The following ICA1L variants were observed in gnomAD, a reference collection of about 807,000 sequenced individuals.
The protein encoded by ICA1L is islet cell autoantigen 1-like protein.
In ICA1L, 50 loss-of-function variants were observed where a neutral mutation model predicts 61.3. The observed-to-expected ratio is 0.82, with a 90% CI of 0.65 to 1.03. The LOEUF (loss-of-function observed/expected upper bound fraction) is 1.03, where lower values mean the gene tolerates loss of function less well. Ranked by LOEUF, ICA1L falls within the 50% of genes least tolerant of loss-of-function variation. The probability of loss-of-function intolerance (pLI) is 0.00; values close to 1 mark genes in which losing one functional copy is unlikely to be tolerated. For missense variants in ICA1L, 508 were observed against 556.7 expected, an observed-to-expected ratio of 0.91 and a Z score of 0.88; for synonymous variants, 161 against 191.3, an observed-to-expected ratio of 0.84 and a Z score of 1.31.
At chr2:202,788,718 G>A (rs1692661497) in intron 11 of ICA1L, 112 bp downstream of exon 11, 3 of 1,064,520 alleles carry the variant, frequency 2.8e-6, no homozygotes, top group South Asian at 1.4e-5. Context: ...TTATCTAGTA[G>A]TGCTGACATT....
chr2:202,819,323 C>G (rs1156864889), intron 5 of ICA1L, among the ~76,000 whole-genome samples: 1 of 152,024 alleles, frequency 6.6e-6, no homozygotes, highest in Non-Finnish European at 1.5e-5. Context: ...TTTTGATAAC[C>G]TTCATATTTC....
intron 1 of ICA1L, among the ~76,000 whole-genome samples, chr2:202,869,248 C>T (rs1271030654): frequency 1.3e-5 from 2 of 151,958 alleles, no homozygotes; most frequent in Non-Finnish European, 2.9e-5. Context: ...GTCCCAGCTA[C>T]TCCGGAGGCT....
intron 11 of ICA1L, 66 bp from the exon 12 acceptor site, chr2:202,786,073 A>T: frequency 1.1e-6 from 1 of 898,760 alleles, no homozygotes; most frequent in Non-Finnish European, 1.8e-6. Flanking sequence ...GAAAAACAAG[A>T]AAAGGTAAAA....
At chr2:202,837,500 T>G (rs1439427123) in intron 1 of ICA1L, among the ~76,000 whole-genome samples, 1 of 151,460 alleles carries the variant, frequency 6.6e-6, no homozygotes, top group African/African-American at 2.4e-5. Flanking sequence ...CTTGATCTCC[T>G]GACCTCGTGA....
intron 11 of ICA1L, chr2:202,786,540 A>G (rs1392541786): frequency 8.3e-6 from 2 of 240,522 alleles, no homozygotes; most frequent in Non-Finnish European, 1.6e-5. Flanking sequence ...TGGGCGACAG[A>G]GCGAGACTCC....
chr2:202,773,929 G>T lies in ICA1L; in HGVS notation c.*5604C>A. On this transcript the variant is annotated 3_prime_UTR_variant, in exon 13 of 13. Coordinates refer to ENST00000358299, the MANE Select transcript of ICA1L (RefSeq NM_001288622.3). ...AGAACAGTCAACGTAGAAAGAGACA[G>T]AAAGATTCTTCTCTTCCGCTTATTA... The T allele has an allele frequency of 8.4e-7, 1 of 1,188,522 alleles. No individual in the cohort carries two copies. Among genetic ancestry groups the T allele is most frequent in the Non-Finnish European group, 1.2e-6 (1 of 809,216 alleles). 73.6% of individuals were successfully genotyped at this position (1,188,522 alleles called of 1,614,324 possible).
At chr2:202,819,665 A>T (rs1370354283) in intron 5 of ICA1L, 36 bp downstream of exon 5, 1 of 1,470,394 alleles carries the variant, frequency 6.8e-7, no homozygotes, top group Admixed American at 1.7e-5. Context: ...TTCATATTTC[A>T]TACACCAAGA....
chr2:202,779,495 G>T lies in ICA1L; in HGVS notation c.*38C>A. ...CACGAAGGAAATACGTTGCAAAATTGATGTCTCAAGGCCACTGAAGTGACA... is the reference window on the plus strand; with the variant it reads ...CACGAAGGAAATACGTTGCAAAATTTATGTCTCAAGGCCACTGAAGTGACA... On this transcript the variant is annotated 3_prime_UTR_variant, in exon 13 of 13. Coordinates refer to ENST00000358299, the MANE Select transcript of ICA1L (RefSeq NM_001288622.3). 1 of 1,242,772 alleles carries T rather than the reference G, an allele frequency of 8.0e-7. No homozygotes were observed. Among genetic ancestry groups the T allele is most frequent in the Non-Finnish European group, 1.2e-6 (1 of 858,340 alleles). The allele number at this position is 1,242,772 out of a possible 1,614,324, so 77.0% of individuals were successfully genotyped here.
In ICA1L at chr2:202,774,071, C is replaced by T; in HGVS notation, c.*5462G>A. 1 of 1,005,094 alleles carries T rather than the reference C, an allele frequency of 9.9e-7. No homozygotes were observed. The highest frequency in any genetic ancestry group is 1.5e-6 in the Non-Finnish European group (1 of 659,110). 62.3% of individuals were successfully genotyped at this position (1,005,094 alleles called of 1,614,324 possible). Reference sequence around the variant, plus strand: ...CTTCTTTGATGTGTCATCCTAGCTGCCTAATATGATAATATTAGGAATCCC... The same window carrying T: ...CTTCTTTGATGTGTCATCCTAGCTGTCTAATATGATAATATTAGGAATCCC... On this transcript the variant is annotated 3_prime_UTR_variant, in exon 13 of 13. Coordinates refer to ENST00000358299, the MANE Select transcript of ICA1L (RefSeq NM_001288622.3).
intron 1 of ICA1L, among the ~76,000 whole-genome samples, chr2:202,837,145 G>T (rs956344374): frequency 9.4e-5 from 14 of 149,248 alleles, no homozygotes; most frequent in African/African-American, 3.4e-4. Flanking sequence ...CCCGGCCTGT[G>T]TATCATTTTT....
chr2:202,793,343 A>G (rs1692813297), intron 10 of ICA1L, among the ~76,000 whole-genome samples: 1 of 151,796 alleles, frequency 6.6e-6, no homozygotes, highest in Non-Finnish European at 1.5e-5. Flanking sequence ...TTAGACCTAG[A>G]TGTTTTCATA....
Position 202,825,750 on chromosome 2 carries a change from T to C in ICA1L, c.180A>G (p.Gln60=). 1.3e-6 allele frequency: 2 copies of C among 1,573,604 alleles called. No homozygotes were observed. Among genetic ancestry groups the C allele is most frequent in the Non-Finnish European group, 1.7e-6 (2 of 1,154,854 alleles). The change falls in exon 3 of 13, where the codon CAA becomes CAG. Residue 60 remains glutamine, a synonymous_variant. Coordinates refer to ENST00000358299, the MANE Select transcript of ICA1L (RefSeq NM_001288622.3). ...DAKLEVFHSV[Q]ETCTELLKII... ...TCTTCAGAAGTTCAGTGCATGTCTC[T>C]TGAACAGAGTGAAAAACCTTGAGAT... is the stretch of plus-strand genomic sequence containing the variant.
At chr2:202,802,760 A>AT (rs1242213011) in intron 9 of ICA1L, among the ~76,000 whole-genome samples, 1 of 152,168 alleles carries the variant, frequency 6.6e-6, no homozygotes, top group Non-Finnish European at 1.5e-5. Flanking sequence ...GTAAATCTCA[A>AT]TTTTTTTAAT....
chr2:202,844,457 T>C (rs563893489), intron 1 of ICA1L: 14 of 152,266 alleles, frequency 9.2e-5, no homozygotes, highest in African/African-American at 3.1e-4. Flanking sequence ...GGCCAACATA[T>C]AATTTTTGCT....
At chr2:202,801,565 T>G (rs2105834478) in intron 9 of ICA1L, among the ~76,000 whole-genome samples, 1 of 152,370 alleles carries the variant, frequency 6.6e-6, no homozygotes, top group Admixed American at 6.5e-5. Flanking sequence ...TGTCCCATCC[T>G]TGCTAAATCT....
intron 1 of ICA1L, among the ~76,000 whole-genome samples, chr2:202,837,549 G>A (rs1694189317): frequency 6.6e-6 from 1 of 152,086 alleles, no homozygotes; most frequent in African/African-American, 2.4e-5. Context: ...GGGATTACAA[G>A]CGTGAGCCAC....
At chr2:202,834,721 T>A (rs993299210) in intron 1 of ICA1L, among the ~76,000 whole-genome samples, 1 of 152,206 alleles carries the variant, frequency 6.6e-6, no homozygotes, top group African/African-American at 2.4e-5. Context: ...ACATCATTGA[T>A]ATGTTTACTC....
At chr2:202,782,502 G>A (rs2105815590) in intron 12 of ICA1L, among the ~76,000 whole-genome samples, 1 of 151,756 alleles carries the variant, frequency 6.6e-6, no homozygotes, top group South Asian at 2.1e-4. Flanking sequence ...CTACCTCCCA[G>A]GTTCAAGTGA....
rs1559137020 is a variant in ICA1L at position 202,817,531 on chromosome 2, C to G, written c.571G>C (p.Val191Leu). The G allele has an allele frequency of 1.2e-6, 2 of 1,606,788 alleles. No homozygotes were observed. The highest frequency in any genetic ancestry group is 1.1e-5 in the South Asian group (1 of 90,182). ...MEKFRKVQMQVRNSKASFDKL... is the reference protein window; with the variant it reads ...MEKFRKVQMQLRNSKASFDKL... ...TCAAAAGAAGCTTTGCTATTTCTCA[C>G]TTGCATCTGTACCTGCAATAAAAAT... Residue 191 changes from valine (V) to leucine (L), a missense_variant, in exon 6 of 13, where the codon GTG becomes CTG. By Grantham distance (32) the Val-to-Leu change is conservative. Coordinates refer to ENST00000358299, the MANE Select transcript of ICA1L (RefSeq NM_001288622.3).
Sources: gnomAD v4.1 joint callset for allele counts (sites outside exome capture counted in the v4.1 genomes callset) on GRCh38, gnomAD v4.1.1 for gene constraint, MANE v1.5 for transcripts, NCBI Gene and HGNC (gene_info 2026-07-23, HGNC 2026-07-21) for gene names.